Variants in CNOT2 observed in about 807,000 individuals in gnomAD.
The protein encoded by CNOT2 is CC chemokine receptor 4-negative regulator of transcription 2.
A neutral mutation model predicts 72.1 loss-of-function variants in CNOT2; 7 were observed. The observed-to-expected ratio is 0.10, with a 90% CI of 0.06 to 0.18. The LOEUF is 0.18. Among genes scored for constraint, CNOT2 ranks in the 10% least tolerant of loss-of-function variants. The probability of loss-of-function intolerance (pLI) is 1.00; values close to 1 mark genes in which losing one functional copy is unlikely to be tolerated. For missense variants in CNOT2, 345 were observed against 660.3 expected, an observed-to-expected ratio of 0.52 and a Z score of 5.23; for synonymous variants, 196 against 225.6, an observed-to-expected ratio of 0.87 and a Z score of 1.17.
Position 70,353,937 on chromosome 12 carries a change from A to AG in CNOT2, c.*22_*23insG. The AG allele has an allele frequency of 6.4e-7, 1 of 1,573,456 alleles. No homozygotes were observed. Among genetic ancestry groups the AG allele is most frequent in the Non-Finnish European group, 8.6e-7 (1 of 1,166,590 alleles). ...CTAAAAAAAAAAAAAAAAAAAAAAA[A>AG]AGACTTCCCTTTTCTTGGGGTATGG... On this transcript the variant is annotated 3_prime_UTR_variant, in exon 16 of 16. Coordinates refer to ENST00000229195, the MANE Select transcript of CNOT2 (RefSeq NM_014515.7).
intron 11 of CNOT2, 79 bp from the exon 12 acceptor site, chr12:70,342,028 G>C: frequency 2.3e-6 from 2 of 886,960 alleles, no homozygotes; most frequent in Admixed American, 3.5e-5. Context: ...TTTACAGTTG[G>C]AGTCTTTGTT....
chr12:70,258,134 A>G (rs1014438869), intron 1 of CNOT2, among the ~76,000 whole-genome samples: 6 of 152,202 alleles, frequency 3.9e-5, no homozygotes, highest in African/African-American at 1.4e-4. Flanking sequence ...TAATAAGAAT[A>G]AAGACAAAAT....
intron 2 of CNOT2, among the ~76,000 whole-genome samples, chr12:70,307,539 C>T (rs915709949): frequency 6.6e-6 from 1 of 151,692 alleles, no homozygotes; most frequent in Non-Finnish European, 1.5e-5. Context: ...ACTGAAATGT[C>T]ATGCTGCACA....
At chr12:70,255,287 T>C (rs938415787) in intron 1 of CNOT2, among the ~76,000 whole-genome samples, 1 of 152,170 alleles carries the variant, frequency 6.6e-6, no homozygotes. Flanking sequence ...GCCAAGTGTA[T>C]TTTTTGTGAA....
chr12:70,252,816 AC>A (rs571655681), intron 1 of CNOT2, among the ~76,000 whole-genome samples: 3 of 152,206 alleles, frequency 2.0e-5, no homozygotes, highest in Non-Finnish European at 4.4e-5. Flanking sequence ...AACAATACTT[AC>A]CCAGTAGAAC....
chr12:70,285,199 ATTTTGTTTTTGT>A (rs998445938), intron 2 of CNOT2, among the ~76,000 whole-genome samples: 1 of 151,280 alleles, frequency 6.6e-6, no homozygotes, highest in Non-Finnish European at 1.5e-5. Flanking sequence ...TTATGTTTTG[ATTTTGTTTTTGT>A]TTTTGTTTTT....
At chr12:70,282,464 T>G (rs1389234451) in intron 2 of CNOT2, among the ~76,000 whole-genome samples, 1 of 152,194 alleles carries the variant, frequency 6.6e-6, no homozygotes, top group Non-Finnish European at 1.5e-5. Flanking sequence ...TAATTAACTT[T>G]AAAAATCACA....
intron 1 of CNOT2, among the ~76,000 whole-genome samples, chr12:70,276,452 T>A (rs1338696387): frequency 6.6e-6 from 1 of 152,020 alleles, no homozygotes; most frequent in African/African-American, 2.4e-5. Context: ...CATGTATGTA[T>A]TAATGGTAAG....
chr12:70,298,681 A>G (rs1873262263), intron 2 of CNOT2, among the ~76,000 whole-genome samples: 2 of 150,730 alleles, frequency 1.3e-5, no homozygotes, highest in Admixed American at 1.3e-4. Flanking sequence ...GTTTCAAAGA[A>G]TGGGAGAAAG....
chr12:70,333,907 CTAAAT>C (rs1285879010), intron 7 of CNOT2, among the ~76,000 whole-genome samples: 2 of 151,726 alleles, frequency 1.3e-5, no homozygotes, highest in Admixed American at 1.3e-4. Flanking sequence ...TAGTTTTTTT[CTAAAT>C]GTGATGTAAA....
chr12:70,304,944 G>A (rs772920786), intron 2 of CNOT2, among the ~76,000 whole-genome samples: 21 of 152,340 alleles, frequency 1.4e-4, no homozygotes, highest in East Asian at 7.7e-4. Context: ...GCAATGAGCC[G>A]GGCTCCGTGG....
intron 4 of CNOT2, among the ~76,000 whole-genome samples, chr12:70,326,454 C>CTTT (rs3837458): frequency 4.7e-5 from 7 of 148,674 alleles, no homozygotes; most frequent in African/African-American, 1.7e-4. Context: ...TCCCATTTTT[C>CTTT]TTTTTTTTTC....
chr12:70,335,398 T>A (rs1465727463), intron 7 of CNOT2, 40 bp from the exon 8 acceptor site: 5 of 1,457,924 alleles, frequency 3.4e-6, no homozygotes, highest in Non-Finnish European at 4.8e-6. Flanking sequence ...TTAAAAAATA[T>A]TTGTAGAATC....
intron 15 of CNOT2, among the ~76,000 whole-genome samples, chr12:70,350,352 C>A (rs1418923919): frequency 6.6e-6 from 1 of 152,082 alleles, no homozygotes; most frequent in African/African-American, 2.4e-5. Flanking sequence ...TGTGATTTTT[C>A]ATTAATTTCA....
rs139110923 is a variant in CNOT2, at chr12:70,292,449, G to A, written c.48+14175G>A. ...AAATACACAAGGAATTCCTTACTGA[G>A]ATGACTTCACACCTGAAGTAGGTGA... On this transcript the variant is annotated intron_variant, in intron 2 of 15. Transcript: ENST00000229195. Among the ~76,000 whole-genome samples, 482 of 152,320 alleles carry A rather than the reference G, an allele frequency of 3.2e-3. 5 individuals are homozygous for A. The highest frequency in any genetic ancestry group is 0.011 in the African/African-American group (441 of 41,574).
At chr12:70,246,904 T>A (rs1957899740) in intron 1 of CNOT2, among the ~76,000 whole-genome samples, 1 of 152,204 alleles carries the variant, frequency 6.6e-6, no homozygotes, top group African/African-American at 2.4e-5. Flanking sequence ...TCTGTTGGTA[T>A]CTGTTGGTAT....
At chr12:70,345,920 C>T in intron 14 of CNOT2, 2 of 298,534 alleles carry the variant, frequency 6.7e-6, no homozygotes, top group South Asian at 7.6e-5. Context: ...TTTTAAAATC[C>T]TTGTTTGTAT....
intron 15 of CNOT2, among the ~76,000 whole-genome samples, chr12:70,347,270 T>C (rs1169473542): frequency 6.6e-6 from 1 of 152,132 alleles, no homozygotes; most frequent in Non-Finnish European, 1.5e-5. Context: ...GGTAAAACAT[T>C]TTAAGAAGAC....
chr12:70,270,573 C>T (rs374181926), intron 1 of CNOT2, among the ~76,000 whole-genome samples: 2 of 152,078 alleles, frequency 1.3e-5, no homozygotes, highest in Admixed American at 6.5e-5. Context: ...TCTTCCTCCT[C>T]ATAGGAAAAT....
Sources: allele counts gnomAD v4.1 joint callset (sites outside exome capture counted in the v4.1 genomes callset), GRCh38; gene constraint gnomAD v4.1.1; transcripts MANE v1.5; gene names NCBI Gene and HGNC (gene_info 2026-07-23, HGNC 2026-07-21).